Variants in SLC25A21 observed in about 807,000 individuals in gnomAD.
The protein encoded by SLC25A21 is solute carrier family 25 member 21.
A neutral mutation model predicts 43.8 loss-of-function variants in SLC25A21; 47 were observed. The ratio of observed to expected loss-of-function variants is 1.07; its 90% confidence interval spans 0.85 to 1.37. The LOEUF (loss-of-function observed/expected upper bound fraction) is 1.37. Ranked by LOEUF, SLC25A21 falls within the 40% of genes most tolerant of loss-of-function variation. The pLI is 0.00. For synonymous variants in SLC25A21, 131 were observed against 121.3 expected, an observed-to-expected ratio of 1.08 and a Z score of -0.52; for missense variants, 352 against 350.2, an observed-to-expected ratio of 1.00 and a Z score of -0.04.
chr14:37,006,753 T>TA (rs1960612887), intron 1 of SLC25A21, among the ~76,000 whole-genome samples: 1 of 152,122 alleles, frequency 6.6e-6, no homozygotes, highest in Non-Finnish European at 1.5e-5. Context: ...GTTACCCTTT[T>TA]AAAAAAAGCT....
intron 1 of SLC25A21, among the ~76,000 whole-genome samples, chr14:36,913,654 T>G (rs563418948): frequency 6.6e-6 from 1 of 152,236 alleles, no homozygotes; most frequent in South Asian, 2.1e-4. Context: ...AAACAAGGGT[T>G]AAGTTTGAGT....
chr14:36,679,683 T>TAA lies in SLC25A21; in HGVS notation c.*973_*974dup. ...TGACTTCCCACCTGAAGTTGTCGTT[T>TAA]AAAACTAATAACCTGAAAATGCAGT... On this transcript the variant is annotated 3_prime_UTR_variant, in exon 10 of 10. Transcript: ENST00000331299. The TAA allele has an allele frequency of 1.0e-6, 1 of 985,404 alleles. No individual in the cohort carries two copies. 61.0% of individuals were successfully genotyped at this position (985,404 alleles called of 1,614,324 possible).
chr14:36,741,484 A>C (rs1885260900), intron 3 of SLC25A21, among the ~76,000 whole-genome samples: 1 of 152,194 alleles, frequency 6.6e-6, no homozygotes, highest in Non-Finnish European at 1.5e-5. Flanking sequence ...TCAATGTGTA[A>C]ATTTGCTGCT....
At chr14:36,777,110 T>A (rs1428734925) in intron 3 of SLC25A21, among the ~76,000 whole-genome samples, 2 of 152,070 alleles carry the variant, frequency 1.3e-5, no homozygotes, top group East Asian at 3.9e-4. Flanking sequence ...ATACAAAAAT[T>A]AGCTGGGGGT....
At chr14:36,712,935 T>C (rs1192719018) in intron 6 of SLC25A21, among the ~76,000 whole-genome samples, 2 of 152,194 alleles carry the variant, frequency 1.3e-5, no homozygotes, top group Non-Finnish European at 2.9e-5. Context: ...CTCATTTTTG[T>C]TGGAAAGACC....
chr14:36,870,636 A>C (rs1315673574), intron 2 of SLC25A21: 1 of 152,238 alleles, frequency 6.6e-6, no homozygotes, highest in African/African-American at 2.4e-5. Context: ...TTCCAAATAA[A>C]GTCACCTTCT....
rs568549993 is a variant in SLC25A21, at chr14:36,752,893, T to C, written c.204-18320A>G. ...AGAAGGACGTGTTTGCTTCCCTTTC[T>C]ACCACGATTGTAAGTTTCCTGAGGC... On this transcript the variant is annotated intron_variant, in intron 3 of 9. Coordinates refer to ENST00000331299, the MANE Select transcript of SLC25A21 (RefSeq NM_030631.4). Among the ~76,000 whole-genome samples, 6 of 152,286 alleles carry C rather than the reference T, an allele frequency of 3.9e-5. No individual in the cohort carries two copies. In the South Asian group the frequency reaches 1.0e-3, roughly 26 times the overall value.
chr14:36,717,459 C>T (rs8017271), intron 6 of SLC25A21, among the ~76,000 whole-genome samples: 42,590 of 152,104 alleles, frequency 0.28, 6,433 homozygotes, highest in East Asian at 0.47. Flanking sequence ...TCAAAAACCC[C>T]TCCCAGATAC....
intron 1 of SLC25A21, among the ~76,000 whole-genome samples, chr14:36,926,977 C>T (rs1892149234): frequency 6.6e-6 from 1 of 152,060 alleles, no homozygotes; most frequent in Admixed American, 6.6e-5. Flanking sequence ...TGAGACTAGC[C>T]TGGGCAACAT....
intron 6 of SLC25A21, among the ~76,000 whole-genome samples, chr14:36,713,139 G>A (rs897130929): frequency 1.3e-5 from 2 of 152,178 alleles, no homozygotes; most frequent in Admixed American, 6.5e-5. Context: ...GAGGTCTTGA[G>A]GGCATGAGGG....
At chr14:36,819,065 C>T (rs948670740) in intron 2 of SLC25A21, among the ~76,000 whole-genome samples, 10 of 152,328 alleles carry the variant, frequency 6.6e-5, no homozygotes, top group African/African-American at 2.4e-4. Context: ...TGCTGCCACA[C>T]TGACAGAGTG....
intron 5 of SLC25A21, among the ~76,000 whole-genome samples, chr14:36,727,369 C>A (rs555860176): frequency 6.6e-6 from 1 of 152,194 alleles, no homozygotes; most frequent in Non-Finnish European, 1.5e-5. Context: ...GCTATGCAAA[C>A]ACCATTGTTC....
intron 1 of SLC25A21, among the ~76,000 whole-genome samples, chr14:37,033,723 T>G (rs1167981113): frequency 6.6e-6 from 1 of 152,224 alleles, no homozygotes; most frequent in Non-Finnish European, 1.5e-5. Context: ...TCCCTCAGTC[T>G]GTGGATATGG....
At chr14:36,768,689 C>T (rs1483831813) in intron 3 of SLC25A21, among the ~76,000 whole-genome samples, 2 of 152,122 alleles carry the variant, frequency 1.3e-5, no homozygotes, top group Non-Finnish European at 2.9e-5. Flanking sequence ...TCTTACCTTC[C>T]ATGTCTGCAA....
At chr14:36,992,333 A>C (rs759201226) in intron 1 of SLC25A21, among the ~76,000 whole-genome samples, 9 of 152,214 alleles carry the variant, frequency 5.9e-5, no homozygotes, top group Non-Finnish European at 1.2e-4. Context: ...GTTTGAGTCC[A>C]GGTCACAGCT....
intron 3 of SLC25A21, among the ~76,000 whole-genome samples, chr14:36,757,046 G>C (rs1885960058): frequency 6.6e-6 from 1 of 150,602 alleles, no homozygotes; most frequent in Non-Finnish European, 1.5e-5. Flanking sequence ...TTGAGCCCAA[G>C]GGTTCAAGAC....
intron 1 of SLC25A21, among the ~76,000 whole-genome samples, chr14:36,989,577 T>C (rs899318814): frequency 6.6e-6 from 1 of 151,936 alleles, no homozygotes; most frequent in Non-Finnish European, 1.5e-5. Context: ...ATTTATGAAG[T>C]CTTAACTATA....
At chr14:36,939,128 G>A (rs1274879301) in intron 1 of SLC25A21, among the ~76,000 whole-genome samples, 3 of 152,032 alleles carry the variant, frequency 2.0e-5, no homozygotes, top group Non-Finnish European at 4.4e-5. Context: ...TACTTAAAAG[G>A]CAGGTTTTGT....
intron 3 of SLC25A21, among the ~76,000 whole-genome samples, chr14:36,755,708 C>A (rs1214514446): frequency 6.6e-6 from 1 of 152,124 alleles, no homozygotes; most frequent in Non-Finnish European, 1.5e-5. Flanking sequence ...TCGTTTTTAT[C>A]AACATAAGAG....
Sources: allele counts gnomAD v4.1 joint callset (sites outside exome capture counted in the v4.1 genomes callset), GRCh38; gene constraint gnomAD v4.1.1; transcripts MANE v1.5; gene names NCBI Gene and HGNC (gene_info 2026-07-23, HGNC 2026-07-21).